Variants in WARS2 observed in about 807,000 individuals in gnomAD.
The protein encoded by WARS2 is tryptophan--tRNA ligase, mitochondrial.
A neutral mutation model predicts 36.5 loss-of-function variants in WARS2; 28 were observed. The observed-to-expected ratio is 0.77, with a 90% CI of 0.57 to 1.05. The LOEUF (loss-of-function observed/expected upper bound fraction) is 1.05, where lower values mean the gene tolerates loss of function less well. WARS2 is among the 50% of genes least tolerant of loss of function. WARS2 has a pLI of 0.00. For synonymous variants in WARS2, 174 were observed against 178.4 expected (o/e 0.98, Z 0.20); for missense variants, 435 against 456.8 (o/e 0.95, Z 0.44).
rs1415746225 is a variant in WARS2 at position 119,140,608 on chromosome 1, AGCGCTCACGC to A, written c.27_36del (p.Arg10GlyfsTer48). 1 of 1,613,824 alleles carries A rather than the reference AGCGCTCACGC, an allele frequency of 6.2e-7. No individual in the cohort carries two copies. The highest frequency in any genetic ancestry group is 2.2e-5 in the East Asian group (1 of 44,886). ...TTATGAAGTGCCCGGATGAAGCTCCAGCGCTCACGCGCTTTCCGCATTGAGTGCAGCGCCA... is the reference window on the plus strand; with the variant it reads ...TTATGAAGTGCCCGGATGAAGCTCCAGCTTTCCGCATTGAGTGCAGCGCCA... On this transcript the variant is annotated frameshift_variant, in exon 1 of 6. Transcript: ENST00000235521. LOFTEE classifies it high-confidence loss of function.
intron 1 of WARS2, among the ~76,000 whole-genome samples, chr1:119,090,064 T>C (rs12117284): frequency 0.022 from 3,349 of 151,872 alleles, 58 homozygotes; most frequent in Non-Finnish European, 0.031. Context: ...CAAACCACCA[T>C]GGCACACATT....
rs1278214519 is a variant in WARS2 at position 119,087,332 on chromosome 1, C to T, written c.91-10725G>A. Among the ~76,000 whole-genome samples the T allele has an allele frequency of 2.0e-5, 3 of 152,120 alleles. No individual in the cohort carries two copies. The East Asian group carries it at 5.8e-4, about 29-fold the overall frequency. On this transcript the variant is annotated intron_variant, in intron 1 of 5. Coordinates refer to ENST00000235521, the MANE Select transcript of WARS2 (RefSeq NM_015836.4). ...ATCATGACAAATCCTTTCTCCCATA[C>T]TTTAGTTCCAAATGTAAAGGGTAAA...
intron 1 of WARS2, among the ~76,000 whole-genome samples, chr1:119,080,833 T>G (rs2101347173): frequency 6.6e-6 from 1 of 152,174 alleles, no homozygotes; most frequent in East Asian, 1.9e-4. Context: ...TTCCCATGGG[T>G]TTGGACAAGA....
At chr1:119,103,365 T>C (rs1654007377) in intron 1 of WARS2, among the ~76,000 whole-genome samples, 1 of 152,144 alleles carries the variant, frequency 6.6e-6, no homozygotes, top group African/African-American at 2.4e-5. Context: ...CTCAGATAGG[T>C]GGTAATTCAC....
At position 119,032,323 on chromosome 1, in the gene WARS2, T is replaced by TA. The variant is rs1423600552; in HGVS notation, c.*587dup. ...AAGATCATATCCCATATCTCTGAAT[T>TA]AAAAAACAAATTATTGCTGGAACAG... On this transcript the variant is annotated 3_prime_UTR_variant, in exon 6 of 6. Transcript: ENST00000235521. 1 of 152,402 alleles carries TA rather than the reference T, an allele frequency of 6.6e-6. No homozygotes were observed. The highest frequency in any genetic ancestry group is 1.5e-5 in the Non-Finnish European group (1 of 68,230). The allele number at this position is 152,402 out of a possible 1,614,324, so 9.4% of individuals were successfully genotyped here.
chr1:119,082,752 G>C (rs1031516154), intron 1 of WARS2, among the ~76,000 whole-genome samples: 1 of 152,140 alleles, frequency 6.6e-6, no homozygotes, highest in African/African-American at 2.4e-5. Context: ...CCACAATTCA[G>C]AACTCCAGTG....
intron 1 of WARS2, among the ~76,000 whole-genome samples, chr1:119,137,376 G>A (rs1436221198): frequency 6.6e-6 from 1 of 152,000 alleles, no homozygotes; most frequent in African/African-American, 2.4e-5. Flanking sequence ...TTCATCTAAT[G>A]GCTATACTTA....
chr1:119,123,962 T>C (rs1344530816), intron 1 of WARS2, among the ~76,000 whole-genome samples: 4 of 152,198 alleles, frequency 2.6e-5, no homozygotes. Flanking sequence ...CTACCTGACA[T>C]TTCCACTTAT....
intron 4 of WARS2, among the ~76,000 whole-genome samples, chr1:119,041,305 A>C (rs929780622): frequency 1.3e-5 from 2 of 152,212 alleles, no homozygotes; most frequent in African/African-American, 2.4e-5. Flanking sequence ...CTTTATCTCT[A>C]GAAGGCCAAA....
intron 1 of WARS2, among the ~76,000 whole-genome samples, chr1:119,095,419 G>A (rs1236149797): frequency 6.6e-6 from 1 of 152,056 alleles, no homozygotes; most frequent in African/African-American, 2.4e-5. Context: ...CTTTCACTGT[G>A]AACAAAAGAC....
chr1:119,061,370 C>A (rs1445980001), intron 2 of WARS2, among the ~76,000 whole-genome samples: 1 of 151,518 alleles, frequency 6.6e-6, no homozygotes, highest in Non-Finnish European at 1.5e-5. Context: ...TTTTTTAAAC[C>A]AATAAAAAAG....
chr1:119,046,177 A>G (rs1374103308), intron 2 of WARS2, among the ~76,000 whole-genome samples: 2 of 152,056 alleles, frequency 1.3e-5, no homozygotes, highest in Non-Finnish European at 2.9e-5. Context: ...ATATAGGGTA[A>G]CTTGAAAGTT....
At chr1:119,034,360 A>T in intron 4 of WARS2, 147 bp from the exon 5 acceptor site, 1 of 672,212 alleles carries the variant, frequency 1.5e-6, no homozygotes, top group Non-Finnish European at 2.5e-6. Context: ...TTTAGACCTA[A>T]GTCTTTATCT....
chr1:119,068,533 G>A (rs1195653971), intron 2 of WARS2, among the ~76,000 whole-genome samples: 1 of 152,020 alleles, frequency 6.6e-6, no homozygotes, highest in Non-Finnish European at 1.5e-5. Flanking sequence ...TGGTCTCTTT[G>A]GACCCTCGTA....
chr1:119,091,120 G>C (rs2101406887), intron 1 of WARS2, among the ~76,000 whole-genome samples: 1 of 152,294 alleles, frequency 6.6e-6, no homozygotes, highest in South Asian at 2.1e-4. Flanking sequence ...TAAAGGACTT[G>C]AGTTTTGAGG....
intron 1 of WARS2, among the ~76,000 whole-genome samples, chr1:119,105,198 G>C (rs958003536): frequency 6.6e-6 from 1 of 152,112 alleles, no homozygotes; most frequent in African/African-American, 2.4e-5. Context: ...TGAGGAAAAG[G>C]GTGGTACCAA....
At chr1:119,066,749 A>T (rs1171582663) in intron 2 of WARS2, among the ~76,000 whole-genome samples, 2 of 152,188 alleles carry the variant, frequency 1.3e-5, no homozygotes, top group Non-Finnish European at 2.9e-5. Flanking sequence ...AATATGTCTA[A>T]TAACACCAAA....
At chr1:119,065,742 T>C (rs1650790250) in intron 2 of WARS2, among the ~76,000 whole-genome samples, 1 of 151,704 alleles carries the variant, frequency 6.6e-6, no homozygotes, top group Admixed American at 6.6e-5. Flanking sequence ...ACAAAATTTA[T>C]CAAGAGGAAA....
chr1:119,061,627 A>T (rs1224295496), intron 2 of WARS2, among the ~76,000 whole-genome samples: 1 of 152,130 alleles, frequency 6.6e-6, no homozygotes, highest in African/African-American at 2.4e-5. Flanking sequence ...AATTCCTCAT[A>T]GTTATTTTTA....
Sources: gnomAD v4.1 joint callset for allele counts (sites outside exome capture counted in the v4.1 genomes callset) on GRCh38, gnomAD v4.1.1 for gene constraint, MANE v1.5 for transcripts, NCBI Gene and HGNC (gene_info 2026-07-23, HGNC 2026-07-21) for gene names.